Variants in TEKT5 observed in about 807,000 individuals in gnomAD.
TEKT5 encodes tektin-5.
TEKT5 carries 52 observed loss-of-function variants against 48.7 expected under a neutral mutation model. The ratio of observed to expected loss-of-function variants is 1.07; its 90% confidence interval spans 0.86 to 1.35. TEKT5 has a LOEUF of 1.35. Ranked by LOEUF, TEKT5 falls within the 40% of genes most tolerant of loss-of-function variation. TEKT5 has a pLI of 0.00. For missense variants in TEKT5, 831 were observed against 641.6 expected (o/e 1.30, Z -3.19); for synonymous variants, 318 against 267.6 (o/e 1.19, Z -1.84).
chr16:10,628,231 C>T (rs1388897288), intron 6 of TEKT5, among the ~76,000 whole-genome samples: 1 of 152,210 alleles, frequency 6.6e-6, no homozygotes, highest in African/African-American at 2.4e-5. Context: ...GCAAGCAAGA[C>T]AGGCAAGGCT....
chr16:10,669,919 T>G (rs960722789), intron 5 of TEKT5, among the ~76,000 whole-genome samples: 3 of 152,128 alleles, frequency 2.0e-5, no homozygotes, highest in African/African-American at 7.2e-5. Flanking sequence ...CTAGCAGTGG[T>G]CAGTATGACA....
At chr16:10,682,279 C>T (rs1898770507) in intron 3 of TEKT5, 143 bp from the exon 4 acceptor site, 11 of 813,214 alleles carry the variant, frequency 1.4e-5, no homozygotes, top group Non-Finnish European at 2.1e-5. Context: ...CCTCCATGTC[C>T]CACCACATAC....
intron 5 of TEKT5, among the ~76,000 whole-genome samples, chr16:10,646,154 T>A (rs1213903770): frequency 6.6e-6 from 1 of 152,054 alleles, no homozygotes; most frequent in Non-Finnish European, 1.5e-5. Context: ...AAAAAATTTG[T>A]TGATCTGACA....
Position 10,676,263 on chromosome 16 carries a change from C to T in TEKT5, c.864-82G>A, listed in dbSNP as rs1596415249. ...TTCTCCGCCTTGGCAGTCTTGGCCT[C>T]TGGGTCGGGATTATTCTCTGTCCTG... On this transcript the variant is annotated intron_variant, in intron 4 of 6. Transcript: ENST00000283025. The T allele has an allele frequency of 2.9e-6, 4 of 1,360,084 alleles. No individual in the cohort carries two copies. In the South Asian group the frequency reaches 3.7e-5, roughly 13 times the overall value. The allele number at this position is 1,360,084 out of a possible 1,614,324, so 84.3% of individuals were successfully genotyped here.
At chr16:10,693,156 C>T (rs563228079) in intron 1 of TEKT5, among the ~76,000 whole-genome samples, 7 of 152,222 alleles carry the variant, frequency 4.6e-5, no homozygotes, top group Non-Finnish European at 8.8e-5. Flanking sequence ...AGTGCAGTGG[C>T]GCAATCTCAG....
At chr16:10,632,869 GACAC>G (rs35503579) in intron 6 of TEKT5, among the ~76,000 whole-genome samples, 2,818 of 131,676 alleles carry the variant, frequency 0.021, 55 homozygotes, top group East Asian at 0.044. Flanking sequence ...CACAGATGCA[GACAC>G]ACACACACAC....
intron 5 of TEKT5, among the ~76,000 whole-genome samples, chr16:10,644,232 T>C (rs979922759): frequency 3.3e-5 from 5 of 152,154 alleles, no homozygotes; most frequent in African/African-American, 4.8e-5. Flanking sequence ...TACCCACAAC[T>C]GCCCTGTGAG....
chr16:10,660,360 G>T (rs1075554), intron 5 of TEKT5, among the ~76,000 whole-genome samples: 2 of 152,068 alleles, frequency 1.3e-5, no homozygotes, highest in South Asian at 4.2e-4. Flanking sequence ...AGGGTTTCAT[G>T]TTAAGTAACT....
At chr16:10,689,103 A>G (rs767038319) in intron 3 of TEKT5, 150 bp downstream of exon 3, 115 of 582,616 alleles carry the variant, frequency 2.0e-4, no homozygotes, top group Non-Finnish European at 3.1e-4. Flanking sequence ...TTTTTTTCCT[A>G]GAAGGCTGGT....
chr16:10,656,032 C>T (rs964693090), intron 5 of TEKT5, among the ~76,000 whole-genome samples: 2 of 152,130 alleles, frequency 1.3e-5, no homozygotes, highest in African/African-American at 4.8e-5. Flanking sequence ...GTATCTTGAC[C>T]TCAGCACTAC....
chr16:10,650,979 G>A (rs1042177416), intron 5 of TEKT5, among the ~76,000 whole-genome samples: 4 of 152,126 alleles, frequency 2.6e-5, no homozygotes, highest in African/African-American at 9.7e-5. Context: ...CCAGAAGTTT[G>A]AGGAATGGGA....
chr16:10,694,175 C>A (rs1390396102), intron 1 of TEKT5, 135 bp downstream of exon 1: 33 of 762,916 alleles, frequency 4.3e-5, no homozygotes, highest in Non-Finnish European at 1.3e-5. Context: ...GATTGTATTA[C>A]TGATCGTATT....
intron 4 of TEKT5, among the ~76,000 whole-genome samples, chr16:10,678,647 C>A (rs562980716): frequency 6.6e-6 from 1 of 152,226 alleles, no homozygotes; most frequent in African/African-American, 2.4e-5. Context: ...TCCCAGGACA[C>A]TGAGGAAAGA....
intron 5 of TEKT5, among the ~76,000 whole-genome samples, chr16:10,636,170 T>C (rs907628251): frequency 1.6e-4 from 25 of 151,740 alleles, no homozygotes; most frequent in Non-Finnish European, 2.4e-4. Flanking sequence ...AGGTCAGGGG[T>C]TCTAGATCAG....
chr16:10,631,236 A>G lies in TEKT5; in HGVS notation c.1242-3437T>C, dbSNP rs563730171. 5.5e-5 allele frequency among the ~76,000 whole-genome samples: 8 copies of G among 144,390 alleles called. 1 individual carries two copies. In the South Asian group the frequency reaches 1.9e-3, roughly 34 times the overall value. 94.7% of individuals were successfully genotyped at this position (144,390 alleles called of 152,430 possible). A position where few individuals can be genotyped will look rare whatever the true frequency, so the allele number is the denominator to read the frequency against. Reference sequence around the variant, plus strand: ...ATACCATTACACTCCAGCCTGGACAACAGAGCAAGACTCCATCTCAAAAAA... The same window carrying G: ...ATACCATTACACTCCAGCCTGGACAGCAGAGCAAGACTCCATCTCAAAAAA... On this transcript the variant is annotated intron_variant, in intron 6 of 6. Coordinates refer to ENST00000283025, the MANE Select transcript of TEKT5 (RefSeq NM_144674.2).
chr16:10,640,146 TCCC>T (rs1222776159), intron 5 of TEKT5, among the ~76,000 whole-genome samples: 1 of 127,458 alleles, frequency 7.8e-6, no homozygotes, highest in African/African-American at 3.3e-5. Context: ...CCCCCTTTCT[TCCC>T]CTCCTCCTCC....
chr16:10,649,842 C>G (rs1040473157), intron 5 of TEKT5, among the ~76,000 whole-genome samples: 2 of 152,142 alleles, frequency 1.3e-5, no homozygotes, highest in African/African-American at 2.4e-5. Flanking sequence ...CATTCCTGCG[C>G]TTGGTACGTA....
intron 5 of TEKT5, among the ~76,000 whole-genome samples, chr16:10,653,674 A>G (rs1337548712): frequency 6.6e-6 from 1 of 152,154 alleles, no homozygotes; most frequent in East Asian, 1.9e-4. Flanking sequence ...ACACTTTGGG[A>G]GGCCAAGGTG....
At chr16:10,678,474 G>A (rs1898688401) in intron 4 of TEKT5, among the ~76,000 whole-genome samples, 1 of 152,160 alleles carries the variant, frequency 6.6e-6, no homozygotes, top group African/African-American at 2.4e-5. Flanking sequence ...TTGTGTGATT[G>A]TTTTGCTTGG....
Sources: gnomAD v4.1 joint callset for allele counts (sites outside exome capture counted in the v4.1 genomes callset) on GRCh38, gnomAD v4.1.1 for gene constraint, MANE v1.5 for transcripts, NCBI Gene and HGNC (gene_info 2026-07-23, HGNC 2026-07-21) for gene names.